The following P4HA2 variants were observed in gnomAD, a reference collection of about 807,000 sequenced individuals.
The protein encoded by P4HA2 is prolyl 4-hydroxylase subunit alpha 2.
A neutral mutation model predicts 76.9 loss-of-function variants in P4HA2; 46 were observed. That is an observed-to-expected ratio of 0.60 (90% CI 0.47 to 0.76). The LOEUF (loss-of-function observed/expected upper bound fraction) is 0.76. Among genes scored for constraint, P4HA2 ranks in the 30% least tolerant of loss-of-function variants. The probability of loss-of-function intolerance (pLI) is 0.00; values close to 1 mark genes in which losing one functional copy is unlikely to be tolerated. For synonymous variants in P4HA2, 243 were observed against 254.0 expected (o/e 0.96, Z 0.41); for missense variants, 583 against 669.4 (o/e 0.87, Z 1.42).
At chr5:132,215,324 G>C (rs1753676173) in intron 4 of P4HA2, among the ~76,000 whole-genome samples, 1 of 152,240 alleles carries the variant, frequency 6.6e-6, no homozygotes, top group South Asian at 2.1e-4. Context: ...TCTCCTTCCA[G>C]GTAATCATAA....
intron 1 of P4HA2, among the ~76,000 whole-genome samples, chr5:132,223,680 C>T (rs954224678): frequency 6.6e-6 from 1 of 152,222 alleles, no homozygotes; most frequent in East Asian, 1.9e-4. Context: ...GAGATAAGCA[C>T]TATTTGTTTC....
chr5:132,197,671 C>A (rs550582790), intron 12 of P4HA2, among the ~76,000 whole-genome samples: 1 of 146,680 alleles, frequency 6.8e-6, no homozygotes, highest in Admixed American at 6.8e-5. Context: ...CATGGATAAA[C>A]CTTGAGGACA....
At chr5:132,207,056 G>T (rs995576911) in intron 8 of P4HA2, among the ~76,000 whole-genome samples, 2 of 152,134 alleles carry the variant, frequency 1.3e-5, no homozygotes, top group East Asian at 3.8e-4. Context: ...CCACAGTTAA[G>T]AATTCAGTAA....
rs1752876216 is a variant in P4HA2, at chr5:132,210,195, C to T, written c.709+89G>A. 2.7e-6 allele frequency: 4 copies of T among 1,464,498 alleles called. No homozygotes were observed. In the East Asian group the frequency reaches 6.8e-5, roughly 25 times the overall value. 90.7% of individuals were successfully genotyped at this position (1,464,498 alleles called of 1,614,324 possible). On this transcript the variant is annotated intron_variant, in intron 6 of 14. Transcript: ENST00000360568. ...AAGTGACAGGGTAAACTGACTCAGT[C>T]CCAGGAGAGGGGTCAGGCAGATGCC...
Position 132,219,358 on chromosome 5 carries a change from T to A in P4HA2, c.-18-714A>T, listed in dbSNP as rs1754337216. Among the ~76,000 whole-genome samples the A allele has an allele frequency of 2.0e-5, 3 of 152,352 alleles. No individual in the cohort carries two copies. In the South Asian group the frequency reaches 6.2e-4, roughly 32 times the overall value. On this transcript the variant is annotated intron_variant, in intron 1 of 14. Transcript: ENST00000360568. ...CAAATATTTACTGAAGACCTGCAGA[T>A]GCCAGGCACTGATCTAGGCACTCAG... is the stretch of plus-strand genomic sequence containing the variant.
At chr5:132,204,269 C>T in intron 8 of P4HA2, 117 bp from the exon 9 acceptor site, 2 of 815,844 alleles carry the variant, frequency 2.5e-6, no homozygotes, top group East Asian at 2.5e-5. Flanking sequence ...GGAAGCTTTG[C>T]AGCCAATGGC....
In P4HA2 at chr5:132,201,021, G is replaced by A. The variant is rs189412541; in HGVS notation, c.1252-2089C>T. On this transcript the variant is annotated intron_variant, in intron 10 of 14. Coordinates refer to ENST00000360568, the MANE Select transcript of P4HA2 (RefSeq NM_001017974.2). The stretch of plus-strand genomic sequence containing the variant: ...TATCCAGGCATACTCAAGTCCCCAG[G>A]CTCACGCCTTTAATAACAAGAAACT... The A allele has an allele frequency of 4.6e-5, 7 of 152,334 alleles. No homozygotes were observed. The East Asian group carries it at 7.7e-4, about 17-fold the overall frequency. The allele number at this position is 152,334 out of a possible 1,614,324, so 9.4% of individuals were successfully genotyped here.
At chr5:132,226,693 C>G (rs544710865) in intron 1 of P4HA2, 1 of 152,340 alleles carries the variant, frequency 6.6e-6, no homozygotes, top group Non-Finnish European at 1.5e-5. Flanking sequence ...GGCCAGGGAC[C>G]CACCTGGGCT....
chr5:132,215,138 T>C (rs1561489881), intron 4 of P4HA2, among the ~76,000 whole-genome samples: 1 of 152,202 alleles, frequency 6.6e-6, no homozygotes, highest in Non-Finnish European at 1.5e-5. Flanking sequence ...AACCCTGCCT[T>C]CCTTGTCTTC....
intron 8 of P4HA2, among the ~76,000 whole-genome samples, chr5:132,207,406 AC>A (rs1252253196): frequency 6.6e-6 from 1 of 152,054 alleles, no homozygotes; most frequent in African/African-American, 2.4e-5. Flanking sequence ...CAAAAAACTC[AC>A]CCACGCACCA....
chr5:132,221,322 A>C (rs1256081223), intron 1 of P4HA2, among the ~76,000 whole-genome samples: 1 of 152,210 alleles, frequency 6.6e-6, no homozygotes, highest in Non-Finnish European at 1.5e-5. Flanking sequence ...TGAGCAGAAA[A>C]CCAATACTGA....
chr5:132,225,420 T>C (rs1755237678), intron 1 of P4HA2, among the ~76,000 whole-genome samples: 1 of 152,174 alleles, frequency 6.6e-6, no homozygotes, highest in South Asian at 2.1e-4. Context: ...CCCAAGGATG[T>C]GGGAGGGCAG....
rs2126516323 is a variant in P4HA2, at chr5:132,191,758, A to G, written c.*1252T>C. ...ATTTCCACTCCTAGATATATATCCT[A>G]CAGAAATATGTGTTTATATGTGCAC... On this transcript the variant is annotated 3_prime_UTR_variant, in exon 15 of 15. Transcript: ENST00000360568. The G allele has an allele frequency of 6.6e-6, 1 of 152,254 alleles. No individual in the cohort carries two copies. Among genetic ancestry groups the G allele is most frequent in the South Asian group, 2.1e-4 (1 of 4,828 alleles). 9.4% of individuals were successfully genotyped at this position (152,254 alleles called of 1,614,324 possible).
chr5:132,216,120 C>T (rs1240364639), intron 4 of P4HA2, among the ~76,000 whole-genome samples: 2 of 146,272 alleles, frequency 1.4e-5, no homozygotes, highest in Admixed American at 6.9e-5. Flanking sequence ...GCCGAGATCC[C>T]GCCACTACAC....
intron 12 of P4HA2, chr5:132,198,119 T>A (rs1021018924): frequency 3.8e-6 from 6 of 1,581,004 alleles, no homozygotes; most frequent in Non-Finnish European, 5.2e-6. Flanking sequence ...TAACAGCAGA[T>A]GAGATCAGCC....
At chr5:132,211,858 A>G (rs1035082861) in intron 5 of P4HA2, among the ~76,000 whole-genome samples, 40 of 152,336 alleles carry the variant, frequency 2.6e-4, no homozygotes, top group African/African-American at 9.4e-4. Flanking sequence ...CATCAATTTT[A>G]AAGAGCTTGT....
In P4HA2 at chr5:132,209,146, C is replaced by T. The variant is rs201357894; in HGVS notation, c.895G>A (p.Val299Ile). Residue 299 changes from valine to isoleucine, a missense_variant, in exon 7 of 15, where the codon GTC (valine) becomes ATC (isoleucine). Coordinates refer to ENST00000360568, the MANE Select transcript of P4HA2 (RefSeq NM_001017974.2). ...VYESLCRGEG[V>I]KLTPRRQKRL... is the part of the protein sequence containing the mutation. ...CCCCTCACACATCTCACCAGTTTGACACCCTCCCCACGACAGAGGCTCTCG... is the reference window on the plus strand; with the variant it reads ...CCCCTCACACATCTCACCAGTTTGATACCCTCCCCACGACAGAGGCTCTCG... The T allele has an allele frequency of 6.2e-7, 1 of 1,612,016 alleles. No homozygotes were observed. The highest frequency in any genetic ancestry group is 8.5e-7 in the Non-Finnish European group (1 of 1,179,008).
chr5:132,197,167 G>C (rs1024943728), intron 12 of P4HA2, among the ~76,000 whole-genome samples: 1 of 152,184 alleles, frequency 6.6e-6, no homozygotes, highest in Admixed American at 6.5e-5. Context: ...GAGGCAAGAG[G>C]TGGGAATCAG....
chr5:132,209,115 C>G (rs1311148578), intron 7 of P4HA2, 23 bp downstream of exon 7: 1 of 1,589,040 alleles, frequency 6.3e-7, no homozygotes, highest in African/African-American at 1.3e-5. Context: ...GCTTTGGCAC[C>G]CTAGCCCCCT....
Sources: gnomAD v4.1 joint callset for allele counts (sites outside exome capture counted in the v4.1 genomes callset) on GRCh38, gnomAD v4.1.1 for gene constraint, MANE v1.5 for transcripts, NCBI Gene and HGNC (gene_info 2026-07-23, HGNC 2026-07-21) for gene names.